COG5: variants seen among roughly 807,000 people sequenced by gnomAD.
The protein encoded by COG5 is conserved oligomeric Golgi complex subunit 5.
Under a neutral mutation model 110.4 loss-of-function variants are expected in COG5, and 86 were observed. The observed-to-expected ratio is 0.78, with a 90% CI of 0.65 to 0.93. COG5 has a LOEUF of 0.93. COG5 is among the 40% of genes least tolerant of loss of function. COG5 has a pLI of 0.00. For synonymous variants in COG5, 360 were observed against 334.6 expected (o/e 1.08, Z -0.83); for missense variants, 1,077 against 987.0 (o/e 1.09, Z -1.22).
At chr7:107,432,979 C>T (rs777971895) in intron 6 of COG5, among the ~76,000 whole-genome samples, 7 of 152,024 alleles carry the variant, frequency 4.6e-5, no homozygotes, top group African/African-American at 1.4e-4. Context: ...ACGAATTTAG[C>T]GAAGTTGTAG....
At chr7:107,236,945 G>T (rs1801241395) in intron 17 of COG5, among the ~76,000 whole-genome samples, 1 of 152,180 alleles carries the variant, frequency 6.6e-6, no homozygotes, top group Non-Finnish European at 1.5e-5. Context: ...TATTAAGAAT[G>T]AAATAGACAA....
chr7:107,459,263 A>G (rs991641083), intron 6 of COG5, among the ~76,000 whole-genome samples: 2 of 152,312 alleles, frequency 1.3e-5, no homozygotes, highest in South Asian at 4.1e-4. Flanking sequence ...TAGTCTATAT[A>G]TATGATGCAA....
intron 6 of COG5, among the ~76,000 whole-genome samples, chr7:107,476,782 A>G (rs1797022962): frequency 6.6e-6 from 1 of 151,846 alleles, no homozygotes; most frequent in East Asian, 1.9e-4. Flanking sequence ...CCAAGTAGCA[A>G]TTCATTTTTA....
In COG5 at chr7:107,248,249, G is replaced by C. The variant is rs1802198809; in HGVS notation, c.1853+147C>G. ...TTAATCTGTGAATGGCGCTCACAATGGGTAATGAAGAGGGCTGAAAACTAA... is the reference window on the plus strand; with the variant it reads ...TTAATCTGTGAATGGCGCTCACAATCGGTAATGAAGAGGGCTGAAAACTAA... On this transcript the variant is annotated intron_variant, in intron 17 of 21. Transcript: ENST00000297135. 3.1e-6 allele frequency: 2 copies of C among 653,314 alleles called. 1 individual carries two copies. Among genetic ancestry groups the C allele is most frequent in the South Asian group, 3.5e-5 (2 of 57,520 alleles). 40.5% of individuals were successfully genotyped at this position (653,314 alleles called of 1,614,324 possible).
intron 11 of COG5, among the ~76,000 whole-genome samples, chr7:107,311,216 A>G (rs1808210512): frequency 6.6e-6 from 1 of 152,148 alleles, no homozygotes; most frequent in South Asian, 2.1e-4. Context: ...TTGTATGCTA[A>G]TTAACAATGT....
chr7:107,229,960 C>T (rs1227408481), intron 19 of COG5, among the ~76,000 whole-genome samples: 2 of 150,836 alleles, frequency 1.3e-5, no homozygotes, highest in African/African-American at 4.9e-5. Flanking sequence ...AAGCGATTCT[C>T]CTGCCTCAGC....
Position 107,242,175 on chromosome 7 carries a change from G to A in COG5, c.1854-5488C>T, listed in dbSNP as rs1200137691. ...CTAGTGTGCAGGGCTCTCATGGAGA[G>A]GAACAGACCCCTTCAACTGAAACAT... On this transcript the variant is annotated intron_variant, in intron 17 of 21. Transcript: ENST00000297135. Among the ~76,000 whole-genome samples the A allele has an allele frequency of 3.9e-5, 6 of 152,308 alleles. No homozygotes were observed. In the South Asian group the frequency reaches 1.2e-3, roughly 32 times the overall value.
At chr7:107,525,775 G>A (rs1310508557) in intron 6 of COG5, among the ~76,000 whole-genome samples, 1 of 152,020 alleles carries the variant, frequency 6.6e-6, no homozygotes, top group East Asian at 1.9e-4. Context: ...GCCAAGAGGA[G>A]ATCTGTTCTG....
At chr7:107,563,745 A>G in intron 1 of COG5, 58 bp downstream of exon 1, 1 of 1,580,244 alleles carries the variant, frequency 6.3e-7, no homozygotes. Context: ...CTCGCTGTCC[A>G]GGTGCGGAGC....
intron 19 of COG5, among the ~76,000 whole-genome samples, chr7:107,213,457 T>C (rs573274596): frequency 1.1e-4 from 16 of 152,310 alleles, no homozygotes; most frequent in Admixed American, 3.3e-4. Flanking sequence ...GTGATCCATC[T>C]AAACCTAGAG....
At position 107,202,918 on chromosome 7, in the gene COG5, T is replaced by C. The variant is rs569737967; in HGVS notation, c.*598A>G. On this transcript the variant is annotated 3_prime_UTR_variant, in exon 22 of 22. Transcript: ENST00000297135. ...GGCCATTTAACCTTGTATCTTAGCTTGGGATGTGCCAGTGGTTCCTCAACT... is the reference window on the plus strand; with the variant it reads ...GGCCATTTAACCTTGTATCTTAGCTCGGGATGTGCCAGTGGTTCCTCAACT... The C allele has an allele frequency of 4.6e-5, 7 of 153,288 alleles. No individual in the cohort carries two copies. The highest frequency in any genetic ancestry group is 1.7e-4 in the African/African-American group (7 of 41,552). 9.5% of individuals were successfully genotyped at this position (153,288 alleles called of 1,614,324 possible). A position where few individuals can be genotyped will look rare whatever the true frequency, so the allele number is the denominator to read the frequency against.
At chr7:107,278,120 T>A (rs1804850796) in intron 14 of COG5, among the ~76,000 whole-genome samples, 1 of 152,192 alleles carries the variant, frequency 6.6e-6, no homozygotes, top group Non-Finnish European at 1.5e-5. Context: ...CTGTTCGATG[T>A]ACATTTCAGG....
chr7:107,419,997 A>G (rs549972912), intron 6 of COG5, among the ~76,000 whole-genome samples: 1 of 152,396 alleles, frequency 6.6e-6, no homozygotes, highest in East Asian at 1.9e-4. Context: ...ATTAATCTTT[A>G]CATAAAATGA....
chr7:107,370,950 A>T (rs1489220382), intron 8 of COG5, among the ~76,000 whole-genome samples: 5 of 151,864 alleles, frequency 3.3e-5, no homozygotes, highest in Admixed American at 3.3e-4. Flanking sequence ...TCTCTCAACA[A>T]AAGAGGCATA....
chr7:107,473,331 G>T (rs1237933004), intron 6 of COG5, among the ~76,000 whole-genome samples: 1 of 151,868 alleles, frequency 6.6e-6, no homozygotes, highest in Non-Finnish European at 1.5e-5. Context: ...ACCAAGCTTT[G>T]TAGCTTTTTA....
intron 7 of COG5, among the ~76,000 whole-genome samples, chr7:107,397,857 T>A (rs1791127009): frequency 6.6e-6 from 1 of 151,882 alleles, no homozygotes; most frequent in African/African-American, 2.4e-5. Flanking sequence ...TGGGAAAGAC[T>A]GACAGGAAAT....
chr7:107,216,166 A>C (rs1799515062), intron 19 of COG5, among the ~76,000 whole-genome samples: 1 of 152,260 alleles, frequency 6.6e-6, no homozygotes, highest in South Asian at 2.1e-4. Context: ...AAAGAAAGTC[A>C]TCATGATAAA....
At chr7:107,552,107 A>G (rs970680677) in intron 3 of COG5, among the ~76,000 whole-genome samples, 2 of 152,162 alleles carry the variant, frequency 1.3e-5, no homozygotes, top group Non-Finnish European at 1.5e-5. Context: ...ATAAACTAAA[A>G]CACATATTTA....
intron 19 of COG5, among the ~76,000 whole-genome samples, chr7:107,213,545 C>A (rs923429150): frequency 6.6e-6 from 1 of 152,194 alleles, no homozygotes; most frequent in Non-Finnish European, 1.5e-5. Flanking sequence ...TGTGACGCTG[C>A]CAGATATTAG....
Sources: gnomAD v4.1 joint callset for allele counts (sites outside exome capture counted in the v4.1 genomes callset) on GRCh38, gnomAD v4.1.1 for gene constraint, MANE v1.5 for transcripts, NCBI Gene and HGNC (gene_info 2026-07-23, HGNC 2026-07-21) for gene names.